LCORL: variants seen among roughly 807,000 people sequenced by gnomAD.
LCORL encodes the protein ligand dependent nuclear receptor corepressor like.
A neutral mutation model predicts 141.8 loss-of-function variants in LCORL; 41 were observed. The ratio of observed to expected loss-of-function variants is 0.29; its 90% CI spans 0.23 to 0.38. LCORL has a LOEUF of 0.38. Ranked by LOEUF, LCORL falls within the 10% of genes least tolerant of loss-of-function variation. The pLI, the probability that LCORL is intolerant of heterozygous loss-of-function variation, is 1.00. For missense variants in LCORL, 1,759 were observed against 2,035.0 expected, an observed-to-expected ratio of 0.86 and a Z score of 2.61; for synonymous variants, 618 against 694.1, an observed-to-expected ratio of 0.89 and a Z score of 1.72.
intron 7 of LCORL, among the ~76,000 whole-genome samples, chr4:17,870,872 G>A (rs1467918203): frequency 6.6e-6 from 1 of 152,138 alleles, no homozygotes; most frequent in Non-Finnish European, 1.5e-5. Context: ...CAAATGTGGT[G>A]AAGTATAAAT....
chr4:17,900,968 C>G (rs7658714), intron 5 of LCORL, among the ~76,000 whole-genome samples: 1 of 151,204 alleles, frequency 6.6e-6, no homozygotes, highest in African/African-American at 2.4e-5. Context: ...TCCCCTGTCA[C>G]CTCATCAAAC....
chr4:17,845,852 TATTCTCATC>T, exon 8 of LCORL: 1 of 1,613,570 alleles, frequency 6.2e-7, no homozygotes, highest in Admixed American at 1.7e-5. Flanking sequence ...CAACTTGCTG[TATTCTCATC>T]AGACACATTC....
intron 4 of LCORL, among the ~76,000 whole-genome samples, chr4:17,952,766 T>C (rs1340419973): frequency 1.3e-5 from 2 of 152,176 alleles, no homozygotes; most frequent in Non-Finnish European, 2.9e-5. Flanking sequence ...CCTGTGCATG[T>C]CTGTTATTAC....
chr4:17,916,145 G>A (rs754528548), intron 4 of LCORL, among the ~76,000 whole-genome samples: 4 of 152,150 alleles, frequency 2.6e-5, no homozygotes, highest in Non-Finnish European at 5.9e-5. Flanking sequence ...CATTCACCAT[G>A]ATTGCGTCCT....
At chr4:17,961,875 T>C (rs1713867417) in intron 4 of LCORL, 28 bp downstream of exon 4, 2 of 1,582,728 alleles carry the variant, frequency 1.3e-6, no homozygotes, top group Admixed American at 1.8e-5. Flanking sequence ...TATTGCAAAT[T>C]TTAAATGACA....
chr4:17,841,452 G>A (rs1443047321), exon 8 of LCORL: 2 of 151,830 alleles, frequency 1.3e-5, no homozygotes, highest in Non-Finnish European at 2.9e-5. Flanking sequence ...GCTGGATATT[G>A]TTCCAAATTA....
At chr4:18,015,731 G>A (rs1444618900) in intron 1 of LCORL, among the ~76,000 whole-genome samples, 1 of 151,814 alleles carries the variant, frequency 6.6e-6, no homozygotes. Flanking sequence ...CAAGATGAGG[G>A]AGAAGTTAGT....
intron 5 of LCORL, among the ~76,000 whole-genome samples, chr4:17,894,783 G>C (rs1338533883): frequency 6.6e-6 from 1 of 152,078 alleles, no homozygotes; most frequent in East Asian, 1.9e-4. Flanking sequence ...AAGGGTTTCA[G>C]GGATTCTCAG....
At chr4:17,867,438 G>A (rs1299070748) in intron 7 of LCORL, among the ~76,000 whole-genome samples, 2 of 152,108 alleles carry the variant, frequency 1.3e-5, no homozygotes, top group South Asian at 2.1e-4. Context: ...GGCAATATAC[G>A]AGTGAATGAA....
chr4:17,869,076 C>T (rs1351157071), intron 7 of LCORL, among the ~76,000 whole-genome samples: 1 of 147,628 alleles, frequency 6.8e-6, no homozygotes, highest in Non-Finnish European at 1.5e-5. Flanking sequence ...AGAAAAGTGA[C>T]CCTTTTGGCT....
chr4:17,909,791 T>C (rs928814487), intron 4 of LCORL, among the ~76,000 whole-genome samples: 14 of 152,106 alleles, frequency 9.2e-5, no homozygotes, highest in Non-Finnish European at 1.9e-4. Flanking sequence ...CTGTATCCAT[T>C]AAATTCAATT....
At chr4:17,929,136 T>C (rs1468834155) in intron 4 of LCORL, among the ~76,000 whole-genome samples, 1 of 152,136 alleles carries the variant, frequency 6.6e-6, no homozygotes, top group African/African-American at 2.4e-5. Flanking sequence ...AATAAAGACT[T>C]AAAATAATAG....
chr4:17,949,388 T>C (rs1389945621), intron 4 of LCORL, among the ~76,000 whole-genome samples: 1 of 152,102 alleles, frequency 6.6e-6, no homozygotes, highest in African/African-American at 2.4e-5. Context: ...GCAGACTTGT[T>C]TATTATAATG....
intron 1 of LCORL, among the ~76,000 whole-genome samples, chr4:18,015,241 A>AT (rs1724458237): frequency 6.6e-6 from 1 of 152,212 alleles, no homozygotes; most frequent in Admixed American, 6.5e-5. Flanking sequence ...GCCAATCAGG[A>AT]AGCAGCGCAC....
intron 4 of LCORL, among the ~76,000 whole-genome samples, chr4:17,955,571 G>C (rs1427517676): frequency 6.6e-6 from 1 of 152,050 alleles, no homozygotes; most frequent in Non-Finnish European, 1.5e-5. Context: ...GAAGGTGATT[G>C]TTCTATAAAA....
At chr4:17,889,443 TTC>T (rs972259063) in intron 5 of LCORL, among the ~76,000 whole-genome samples, 7 of 152,234 alleles carry the variant, frequency 4.6e-5, no homozygotes, top group African/African-American at 1.7e-4. Context: ...TGCATTAAAA[TTC>T]TTTTATCAAT....
intron 4 of LCORL, among the ~76,000 whole-genome samples, chr4:17,916,643 CTTTT>C (rs1057287592): frequency 2.7e-5 from 3 of 113,122 alleles, no homozygotes; most frequent in Non-Finnish European, 5.4e-5. Context: ...AATTAAATGT[CTTTT>C]TTTTTTTTTT....
chr4:17,983,994 T>G (rs1235730217), intron 1 of LCORL, among the ~76,000 whole-genome samples: 1 of 152,148 alleles, frequency 6.6e-6, no homozygotes, highest in Non-Finnish European at 1.5e-5. Context: ...CTGAATACAT[T>G]GAAAGTCTTT....
chr4:17,927,477 G>A (rs960789116), intron 4 of LCORL, among the ~76,000 whole-genome samples: 2 of 152,192 alleles, frequency 1.3e-5, no homozygotes, highest in Non-Finnish European at 2.9e-5. Context: ...ACTGTTCGAT[G>A]CAATAGGAGT....
Sources: allele counts gnomAD v4.1 joint callset (sites outside exome capture counted in the v4.1 genomes callset), GRCh38; gene constraint gnomAD v4.1.1; transcripts MANE v1.5; gene names NCBI Gene and HGNC (gene_info 2026-07-23, HGNC 2026-07-21).